Variants in PLCH2 observed in about 807,000 individuals in gnomAD.
PLCH2 encodes phospholipase C eta 2, also known as 1-phosphatidylinositol 4,5-bisphosphate phosphodiesterase eta-2.
PLCH2 carries 98 observed loss-of-function variants against 134.7 expected under a neutral mutation model. The ratio of observed to expected loss-of-function variants is 0.73; its 90% CI spans 0.62 to 0.86. The LOEUF (loss-of-function observed/expected upper bound fraction) is 0.86. Ranked by LOEUF, PLCH2 falls within the 40% of genes least tolerant of loss-of-function variation. The pLI, the probability that PLCH2 is intolerant of heterozygous loss-of-function variation, is 0.00. For synonymous variants in PLCH2, 974 were observed against 827.5 expected (o/e 1.18, Z -3.04); for missense variants, 1,994 against 1,986.6 (o/e 1.00, Z -0.07).
chr1:2,482,792 T>C (rs1302874208), intron 4 of PLCH2, among the ~76,000 whole-genome samples: 1 of 152,172 alleles, frequency 6.6e-6, no homozygotes, highest in Non-Finnish European at 1.5e-5. Flanking sequence ...GGCAGGCTGG[T>C]GGCTGCTGCT....
At chr1:2,489,079 A>C in intron 8 of PLCH2, 128 bp from the exon 9 acceptor site, 1 of 823,406 alleles carries the variant, frequency 1.2e-6, no homozygotes, top group Non-Finnish European at 1.9e-6. Flanking sequence ...AATCCCAGCT[A>C]TCCTGGGTTC....
intron 1 of PLCH2, among the ~76,000 whole-genome samples, chr1:2,468,296 C>A (rs535822866): frequency 2.6e-5 from 4 of 152,270 alleles, no homozygotes; most frequent in African/African-American, 7.2e-5. Flanking sequence ...TGGCCCATCC[C>A]GCTCCGCTCC....
At chr1:2,446,740 T>TG (rs1477983962) in intron 2 of PLCH2, among the ~76,000 whole-genome samples, 1 of 151,932 alleles carries the variant, frequency 6.6e-6, no homozygotes, top group African/African-American at 2.4e-5. Flanking sequence ...GCAGAGGGGT[T>TG]GGGCTGGCAG....
chr1:2,417,181 C>T, the PLCH2 span, among the ~76,000 whole-genome samples: 1 of 152,200 alleles, frequency 6.6e-6, no homozygotes. Context: ...CATGACCTCG[C>T]TGATAGGAAA....
intron 11 of PLCH2, chr1:2,494,574 G>C: frequency 1.8e-6 from 1 of 555,058 alleles, no homozygotes; most frequent in Non-Finnish European, 3.2e-6. Context: ...CAACACATGA[G>C]AGACGCTGAG....
chr1:2,495,523 G>A lies in PLCH2; in HGVS notation c.1788G>A (p.Val596=). 1 of 1,552,132 alleles carries A rather than the reference G, an allele frequency of 6.4e-7. No individual in the cohort carries two copies. The highest frequency in any genetic ancestry group is 1.2e-5 in the South Asian group (1 of 84,034). Residue 596 remains valine (V), a synonymous_variant, in exon 13 of 22, where the codon GTG becomes GTA. Coordinates refer to ENST00000378486, the MANE Select transcript of PLCH2 (RefSeq NM_014638.4). ...GCAAGCTGAAGAAGGCGGCCAGCGT[G>A]GAGGAGGGAGATGAGGGTCAGGACT... ...KGSKLKKAAS[V]EEGDEGQDSP...
rs1363637004 is a variant in PLCH2 at position 2,469,635 on chromosome 1, T to C, written c.43+1973T>C. Among the ~76,000 whole-genome samples the C allele has an allele frequency of 3.3e-5, 5 of 151,890 alleles. No homozygotes were observed. The East Asian group carries it at 9.7e-4, about 29-fold the overall frequency. ...CCCAGGCCCAGTGGCTCCACCTTCA[T>C]TGAGGGTGGGCAGGGGGAGGGGTTG... On this transcript the variant is annotated intron_variant, in intron 1 of 21. Coordinates refer to the PLCH2 transcript ENST00000449969.
At chr1:2,472,545 G>C (rs546158072), upstream of PLCH2, among the ~76,000 whole-genome samples, 1 of 152,188 alleles carries the variant, frequency 6.6e-6, no homozygotes, top group Non-Finnish European at 1.5e-5. Flanking sequence ...CCTGGGATGC[G>C]GCTGCCTCAG....
At chr1:2,422,741 C>T (rs901318414), upstream of PLCH2, among the ~76,000 whole-genome samples, 2 of 152,036 alleles carry the variant, frequency 1.3e-5, no homozygotes, top group African/African-American at 4.8e-5. Context: ...GCAGTGGTAC[C>T]ATCATAGCTC....
chr1:2,469,446 C>T (rs1443487258), intron 1 of PLCH2, among the ~76,000 whole-genome samples: 3 of 152,216 alleles, frequency 2.0e-5, no homozygotes, highest in African/African-American at 7.2e-5. Context: ...AGCAGATGGG[C>T]CAGTGTCCTG....
intron 19 of PLCH2, 53 bp from the exon 20 acceptor site, chr1:2,499,588 G>A (rs907387142): frequency 1.7e-5 from 23 of 1,333,078 alleles, no homozygotes; most frequent in Non-Finnish European, 2.1e-5. Context: ...CAGAGCAGGT[G>A]GGGGCCCTGG....
rs574454719 is a variant in PLCH2 at position 2,433,465 on chromosome 1, TGC to T, written c.115+2837_115+2838del. 7.7e-3 allele frequency among the ~76,000 whole-genome samples: 1,166 copies of T among 152,080 alleles called. 19 individuals carry two copies. Among genetic ancestry groups the T allele is most frequent in the African/African-American group, 0.027 (1,124 of 41,456 alleles). On this transcript the variant is annotated intron_variant, in intron 2 of 3. Coordinates refer to the PLCH2 transcript ENST00000609981. Reference sequence around the variant, plus strand: ...GGCTGTGGCTCTTGGGGTTCAGGGCTGCTGGAGTATGTGTCCCCGCCATTCTC... The same window carrying T: ...GGCTGTGGCTCTTGGGGTTCAGGGCTTGGAGTATGTGTCCCCGCCATTCTC...
Position 2,496,707 on chromosome 1 carries a change from G to T in PLCH2, c.1933+3G>T. On this transcript the variant is annotated splice_donor_region_variant and intron_variant, in intron 14 of 21. Coordinates refer to ENST00000378486, the MANE Select transcript of PLCH2 (RefSeq NM_014638.4). The stretch of plus-strand genomic sequence containing the variant: ...CACCCACGACATAGAGATGGAGGGT[G>T]AGTGGCTCGGGGACCTGGGGCCACG... 6.2e-7 allele frequency: 1 copy of T among 1,611,036 alleles called. No homozygotes were observed. The highest frequency in any genetic ancestry group is 8.5e-7 in the Non-Finnish European group (1 of 1,179,098).
At chr1:2,473,115 T>G (rs1385662042), upstream of PLCH2, among the ~76,000 whole-genome samples, 5 of 152,162 alleles carry the variant, frequency 3.3e-5, no homozygotes, top group East Asian at 9.6e-4. Flanking sequence ...CCGCCCTGGC[T>G]TCTGACAGCG....
chr1:2,504,339 G>A lies in PLCH2; in HGVS notation c.3377G>A (p.Gly1126Asp). 6.2e-7 allele frequency: 1 copy of A among 1,610,894 alleles called. No individual in the cohort carries two copies. Among genetic ancestry groups the A allele is most frequent in the Non-Finnish European group, 8.5e-7 (1 of 1,179,470 alleles). ...CCTGCCGTGTACTCCGATGCCACGGGCAGTGACCCGCTGTGGCAGCGGCTG... is the reference window on the plus strand; with the variant it reads ...CCTGCCGTGTACTCCGATGCCACGGACAGTGACCCGCTGTGGCAGCGGCTG... ...PAPAVYSDAT[G>D]SDPLWQRLEP... The change falls in exon 22 of 22, where the codon GGC (glycine) becomes GAC (aspartate). Residue 1126 changes from glycine to aspartate, a missense_variant. Transcript: ENST00000378486.
intron 15 of PLCH2, 65 bp from the exon 16 acceptor site, chr1:2,497,437 G>A: frequency 8.6e-7 from 1 of 1,160,354 alleles, no homozygotes; most frequent in Non-Finnish European, 1.2e-6. Context: ...TGTGGTGGTG[G>A]GTGGGCGGGG....
chr1:2,475,056 C>CG (rs2100634693), upstream of PLCH2, among the ~76,000 whole-genome samples: 1 of 152,268 alleles, frequency 6.6e-6, no homozygotes, highest in African/African-American at 2.4e-5. Context: ...GAGCCTGTGA[C>CG]GGGGCCCCTG....
In PLCH2 at chr1:2,484,570, C is replaced by A; in HGVS notation, c.768C>A (p.Asp256Glu). Reference protein sequence around the residue: ...LLMLTYSNHKDHLDAASLQRF... With the variant: ...LLMLTYSNHKEHLDAASLQRF... ...TGCTGACCTACAGCAACCACAAGGA[C>A]CACCTGGATGCCGCCAGCCTGCAGC... The change falls in exon 5 of 22, where the codon GAC (aspartate) becomes GAA (glutamate). Residue 256 changes from aspartate (D) to glutamate (E), a missense_variant. Coordinates refer to ENST00000378486, the MANE Select transcript of PLCH2 (RefSeq NM_014638.4). 6.2e-7 allele frequency: 1 copy of A among 1,613,048 alleles called. No individual in the cohort carries two copies. Among genetic ancestry groups the A allele is most frequent in the Non-Finnish European group, 8.5e-7 (1 of 1,179,826 alleles).
chr1:2,420,881 G>A, the PLCH2 span, among the ~76,000 whole-genome samples: 41 of 151,996 alleles, frequency 2.7e-4, no homozygotes, highest in Non-Finnish European at 5.3e-4. Context: ...CCAGAATGCT[G>A]TGTTGTTCTG....
Sources: gnomAD v4.1 joint callset for allele counts (sites outside exome capture counted in the v4.1 genomes callset) on GRCh38, gnomAD v4.1.1 for gene constraint, MANE v1.5 for transcripts, NCBI Gene and HGNC (gene_info 2026-07-23, HGNC 2026-07-21) for gene names.